Variants in CAMTA1 observed in about 807,000 individuals in gnomAD.
The protein encoded by CAMTA1 is calmodulin binding transcription activator 1.
A neutral mutation model predicts 170.9 loss-of-function variants in CAMTA1; 27 were observed. The ratio of observed to expected loss-of-function variants is 0.16; its 90% CI spans 0.12 to 0.22. The LOEUF (loss-of-function observed/expected upper bound fraction) is 0.22, where lower values mean the gene tolerates loss of function less well. CAMTA1 is among the 10% of genes least tolerant of loss of function. The probability of loss-of-function intolerance (pLI) is 1.00; values close to 1 mark genes in which losing one functional copy is unlikely to be tolerated. For synonymous variants in CAMTA1, 833 were observed against 891.5 expected, an observed-to-expected ratio of 0.93 and a Z score of 1.17; for missense variants, 1,619 against 2,217.2, an observed-to-expected ratio of 0.73 and a Z score of 5.42.
chr1:7,084,651 G>A (rs966728955), intron 3 of CAMTA1, among the ~76,000 whole-genome samples: 3 of 152,228 alleles, frequency 2.0e-5, no homozygotes, highest in Non-Finnish European at 4.4e-5. Flanking sequence ...TCACATGTGG[G>A]ACGCGGAGGG....
In CAMTA1 at chr1:6,934,223, G is replaced by A. The variant is rs1684921903; in HGVS notation, c.234+109013G>A. On this transcript the variant is annotated intron_variant, in intron 3 of 22. Transcript: ENST00000303635. The surrounding 1 kb of genome is among the most constrained non-coding windows in gnomAD (Gnocchi z 4.5). ...CTCTGCATTGACCTTAGGGTTTCAG[G>A]ATGGGATGCTTTTGGCTGAGCCCAG... Among the ~76,000 whole-genome samples the A allele has an allele frequency of 6.6e-6, 1 of 152,202 alleles. No individual in the cohort carries two copies. Among genetic ancestry groups the A allele is most frequent in the Non-Finnish European group, 1.5e-5 (1 of 68,038 alleles).
chr1:6,906,348 T>C (rs543362882), intron 3 of CAMTA1, among the ~76,000 whole-genome samples: 2 of 152,300 alleles, frequency 1.3e-5, no homozygotes, highest in African/African-American at 4.8e-5. Flanking sequence ...AGGCTACTGA[T>C]GCTAGCTACT....
intron 3 of CAMTA1, among the ~76,000 whole-genome samples, chr1:7,089,515 A>C (rs193013721): frequency 6.6e-6 from 1 of 151,460 alleles, no homozygotes; most frequent in Non-Finnish European, 1.5e-5. Flanking sequence ...TACTTCTGCC[A>C]TGCACGTTTT....
At chr1:7,222,733 A>G (rs149318218) in intron 4 of CAMTA1, among the ~76,000 whole-genome samples, 67 of 152,326 alleles carry the variant, frequency 4.4e-4, no homozygotes, top group African/African-American at 1.3e-3. Context: ...CCTGATGGCA[A>G]TGGTCCCTGG....
intron 5 of CAMTA1, among the ~76,000 whole-genome samples, chr1:7,384,850 A>G (rs4908630): frequency 0.9 from 137,042 of 152,068 alleles, 61,931 homozygotes; most frequent in East Asian, 1. Flanking sequence ...GACATGTCCA[A>G]CTACCTCTTG....
chr1:7,759,387 C>T (rs2096957980), intron 22 of CAMTA1, among the ~76,000 whole-genome samples: 1 of 152,104 alleles, frequency 6.6e-6, no homozygotes, highest in South Asian at 2.1e-4. Flanking sequence ...AGAAAAAGCA[C>T]CAAATATTTT....
intron 5 of CAMTA1, among the ~76,000 whole-genome samples, chr1:7,398,782 T>G (rs907347656): frequency 6.6e-6 from 1 of 152,116 alleles, no homozygotes; most frequent in African/African-American, 2.4e-5. Flanking sequence ...TTTGATTCCT[T>G]TCTCTTTTTC....
intron 3 of CAMTA1, among the ~76,000 whole-genome samples, chr1:7,033,255 A>G (rs1703052806): frequency 6.6e-6 from 1 of 151,992 alleles, no homozygotes; most frequent in Non-Finnish European, 1.5e-5. Context: ...CTTTCAGTTC[A>G]CTAATATTTT....
chr1:7,664,530 C>T lies in CAMTA1; in HGVS notation c.1983C>T (p.His661=), dbSNP rs61744124. 6.2e-4 allele frequency: 997 copies of T among 1,613,280 alleles called. 8 individuals carry two copies. In the African/African-American group the frequency reaches 0.012, roughly 19 times the overall value. ...ASSQTSSCSG[H]VETRIESTSS... is the part of the protein sequence containing the mutation. Reference sequence around the variant, plus strand: ...CCCAAACCAGCTCCTGCAGCGGTCACGTGGAGACGCGGATCGAGTCCACTT... The same window carrying T: ...CCCAAACCAGCTCCTGCAGCGGTCATGTGGAGACGCGGATCGAGTCCACTT... Residue 661 remains histidine (H), a synonymous_variant, in exon 9 of 23, where the codon CAC becomes CAT. Transcript: ENST00000303635.
At chr1:7,058,652 G>A (rs1262656896) in intron 3 of CAMTA1, among the ~76,000 whole-genome samples, 2 of 152,144 alleles carry the variant, frequency 1.3e-5, no homozygotes, top group African/African-American at 2.4e-5. Context: ...ACTGAAGGCC[G>A]GGCTCCCCTT....
intron 3 of CAMTA1, among the ~76,000 whole-genome samples, chr1:6,866,242 A>C (rs1286247739): frequency 1.3e-5 from 2 of 152,238 alleles, no homozygotes; most frequent in Admixed American, 6.5e-5. Context: ...ACCCCACATT[A>C]TAATCTCTTA....
intron 3 of CAMTA1, among the ~76,000 whole-genome samples, chr1:6,869,186 G>A (rs1471868849): frequency 6.6e-6 from 1 of 152,156 alleles, no homozygotes; most frequent in Non-Finnish European, 1.5e-5. Flanking sequence ...GGAGGCTTCT[G>A]GAAGAGAGAG....
At chr1:7,672,091 T>C (rs777440633) in intron 10 of CAMTA1, 1 of 455,494 alleles carries the variant, frequency 2.2e-6, no homozygotes, top group Non-Finnish European at 4.4e-6. Context: ...GCCCTGACCA[T>C]AAACAGGAGG....
chr1:7,249,476 A>T lies in CAMTA1; in HGVS notation c.303-15A>T. 1 of 1,607,920 alleles carries T rather than the reference A, an allele frequency of 6.2e-7. No homozygotes were observed. The highest frequency in any genetic ancestry group is 8.5e-7 in the Non-Finnish European group (1 of 1,176,554). ...ACTTGGTACTCTTGGTAACTTAACC[A>T]TTTGTTGTTTCCAGACCACAGAATG... is the stretch of plus-strand genomic sequence containing the variant. On this transcript the variant is annotated splice_polypyrimidine_tract_variant and intron_variant, in intron 4 of 22. Transcript: ENST00000303635. The surrounding 1 kb of genome is among the most constrained non-coding windows in gnomAD (Gnocchi z 4.4).
At chr1:6,984,586 C>T (rs1695048341) in intron 3 of CAMTA1, among the ~76,000 whole-genome samples, 1 of 152,088 alleles carries the variant, frequency 6.6e-6, no homozygotes, top group Non-Finnish European at 1.5e-5. Context: ...TGCACCCTGC[C>T]TGGGTAACAC....
chr1:7,705,102 C>G (rs920350735), intron 11 of CAMTA1, among the ~76,000 whole-genome samples: 1 of 149,798 alleles, frequency 6.7e-6, no homozygotes. Flanking sequence ...CGTGTTTACG[C>G]GCGGCAGGGA....
intron 6 of CAMTA1, among the ~76,000 whole-genome samples, chr1:7,484,209 G>A (rs537520368): frequency 5.9e-5 from 9 of 152,264 alleles, no homozygotes; most frequent in Admixed American, 5.2e-4. Flanking sequence ...ACAGAGGGGG[G>A]CCCACCTCAG....
At chr1:7,697,230 T>C (rs906226058) in intron 11 of CAMTA1, among the ~76,000 whole-genome samples, 4 of 152,106 alleles carry the variant, frequency 2.6e-5, no homozygotes, top group African/African-American at 9.7e-5. Context: ...GTGATGGTGA[T>C]TTCCGGGTTC....
intron 3 of CAMTA1, among the ~76,000 whole-genome samples, chr1:6,883,887 A>G (rs893471388): frequency 3.3e-5 from 5 of 152,192 alleles, no homozygotes; most frequent in African/African-American, 1.2e-4. Flanking sequence ...ATTTTATTTT[A>G]CCCAGTAAGT....
Sources: allele counts gnomAD v4.1 joint callset (sites outside exome capture counted in the v4.1 genomes callset), GRCh38; gene constraint gnomAD v4.1.1; non-coding constraint Gnocchi (gnomAD v3.1); transcripts MANE v1.5; gene names NCBI Gene and HGNC (gene_info 2026-07-23, HGNC 2026-07-21).